GRM1: variants seen among roughly 807,000 people sequenced by gnomAD.
GRM1 encodes metabotropic glutamate receptor 1.
GRM1 carries 33 observed loss-of-function variants against 90.9 expected under a neutral mutation model. That is an observed-to-expected ratio of 0.36 (90% CI 0.28 to 0.49). GRM1 has a LOEUF of 0.49. GRM1 is among the 20% of genes least tolerant of loss of function. The pLI, the probability that GRM1 is intolerant of heterozygous loss-of-function variation, is 0.99. For missense variants in GRM1, 1,190 were observed against 1,534.3 expected, an observed-to-expected ratio of 0.78 and a Z score of 3.75; for synonymous variants, 700 against 613.2, an observed-to-expected ratio of 1.14 and a Z score of -2.09.
chr6:146,064,930 A>G (rs1377154197), intron 1 of GRM1, among the ~76,000 whole-genome samples: 2 of 152,114 alleles, frequency 1.3e-5, no homozygotes, highest in Non-Finnish European at 2.9e-5. Flanking sequence ...ATATCTAAAT[A>G]CTAGATGGCA....
chr6:146,290,600 T>C (rs1346552265), intron 2 of GRM1, among the ~76,000 whole-genome samples: 1 of 152,162 alleles, frequency 6.6e-6, no homozygotes, highest in African/African-American at 2.4e-5. Context: ...GGTTTTGAAA[T>C]TGCTTGCGAT....
intron 2 of GRM1, among the ~76,000 whole-genome samples, chr6:146,285,161 C>A (rs1294235843): frequency 6.6e-6 from 1 of 152,148 alleles, no homozygotes; most frequent in Non-Finnish European, 1.5e-5. Flanking sequence ...GGAGTATACC[C>A]TACCTCACAG....
intron 5 of GRM1, among the ~76,000 whole-genome samples, chr6:146,386,534 G>A (rs1050144232): frequency 4.6e-5 from 7 of 152,070 alleles, no homozygotes; most frequent in African/African-American, 1.4e-4. Context: ...TGCTTTCTCA[G>A]AGAAGAAAAA....
At chr6:146,074,030 G>A (rs950655352) in intron 1 of GRM1, among the ~76,000 whole-genome samples, 2 of 152,132 alleles carry the variant, frequency 1.3e-5, no homozygotes, top group African/African-American at 2.4e-5. Context: ...TAAGGATCAT[G>A]TGAATGTTTT....
At chr6:146,210,505 T>G (rs1779654069) in intron 2 of GRM1, among the ~76,000 whole-genome samples, 2 of 151,900 alleles carry the variant, frequency 1.3e-5, no homozygotes, top group Admixed American at 6.6e-5. Flanking sequence ...GGGAACAGAG[T>G]TGGTAGAAAA....
At chr6:146,120,725 T>C (rs1775951875) in intron 1 of GRM1, among the ~76,000 whole-genome samples, 1 of 152,228 alleles carries the variant, frequency 6.6e-6, no homozygotes, top group Non-Finnish European at 1.5e-5. Flanking sequence ...GTTCTATTTA[T>C]ATGCTGGATT....
intron 2 of GRM1, among the ~76,000 whole-genome samples, chr6:146,299,358 C>T (rs914655811): frequency 6.6e-6 from 1 of 151,908 alleles, no homozygotes; most frequent in East Asian, 1.9e-4. Context: ...GAGAATTTTA[C>T]CTTGTTGAGT....
chr6:146,247,915 A>G (rs1450922156), intron 2 of GRM1, among the ~76,000 whole-genome samples: 1 of 149,702 alleles, frequency 6.7e-6, no homozygotes, highest in East Asian at 1.9e-4. Flanking sequence ...TATAGTATAT[A>G]TAATATATAC....
chr6:146,128,039 A>T (rs1776260734), intron 1 of GRM1, among the ~76,000 whole-genome samples: 2 of 152,160 alleles, frequency 1.3e-5, no homozygotes, highest in East Asian at 3.9e-4. Flanking sequence ...GAAGGTCTAC[A>T]CATGGCCTCT....
intron 1 of GRM1, among the ~76,000 whole-genome samples, chr6:146,154,021 C>T (rs1264210328): frequency 6.6e-6 from 1 of 152,162 alleles, no homozygotes; most frequent in Non-Finnish European, 1.5e-5. Flanking sequence ...GATATTTCAC[C>T]TCTCTGTGCC....
chr6:146,381,763 C>A (rs1470057033), intron 5 of GRM1, among the ~76,000 whole-genome samples: 1 of 152,064 alleles, frequency 6.6e-6, no homozygotes, highest in Non-Finnish European at 1.5e-5. Context: ...TCTTTTTAGT[C>A]TTTCAGATGT....
chr6:146,132,654 G>T (rs766797273), intron 1 of GRM1, among the ~76,000 whole-genome samples: 2 of 152,138 alleles, frequency 1.3e-5, no homozygotes, highest in African/African-American at 2.4e-5. Context: ...ATATGATGAA[G>T]GTACAGTTTT....
intron 1 of GRM1, among the ~76,000 whole-genome samples, chr6:146,106,680 G>C (rs1775315491): frequency 6.6e-6 from 1 of 152,154 alleles, no homozygotes; most frequent in Admixed American, 6.5e-5. Flanking sequence ...GACCTTCCCA[G>C]TGACTGCCAA....
chr6:146,302,403 G>T (rs377453821), intron 2 of GRM1, among the ~76,000 whole-genome samples: 1 of 149,780 alleles, frequency 6.7e-6, no homozygotes, highest in East Asian at 2.0e-4. Flanking sequence ...ACAGGGTCTT[G>T]CTCTGTTGCC....
intron 2 of GRM1, among the ~76,000 whole-genome samples, chr6:146,264,566 C>T (rs1781811546): frequency 6.6e-6 from 1 of 151,032 alleles, no homozygotes; most frequent in Non-Finnish European, 1.5e-5. Context: ...AGGTTTGTTA[C>T]ATGTGTAGGT....
At chr6:146,370,775 T>C (rs999135536) in intron 5 of GRM1, among the ~76,000 whole-genome samples, 3 of 151,926 alleles carry the variant, frequency 2.0e-5, no homozygotes, top group African/African-American at 4.8e-5. Context: ...GTGCAAGGTA[T>C]TGGGTCCATC....
intron 5 of GRM1, among the ~76,000 whole-genome samples, chr6:146,367,785 A>G (rs1183112569): frequency 1.3e-5 from 2 of 152,088 alleles, no homozygotes; most frequent in East Asian, 1.9e-4. Flanking sequence ...TACAGTGTGT[A>G]TGTACCTCAT....
intron 1 of GRM1, among the ~76,000 whole-genome samples, chr6:146,059,745 A>G (rs927690245): frequency 1.3e-5 from 2 of 152,188 alleles, no homozygotes; most frequent in African/African-American, 2.4e-5. Flanking sequence ...CAACTTGTAC[A>G]TCAGCACTTG....
At chr6:146,138,303 C>A (rs539058871) in intron 1 of GRM1, among the ~76,000 whole-genome samples, 60 of 151,916 alleles carry the variant, frequency 3.9e-4, no homozygotes, top group African/African-American at 1.4e-3. Flanking sequence ...AGTTGCATAT[C>A]GTTTTTATTA....
Sources: gnomAD v4.1 joint callset for allele counts (sites outside exome capture counted in the v4.1 genomes callset) on GRCh38, gnomAD v4.1.1 for gene constraint, MANE v1.5 for transcripts, NCBI Gene and HGNC (gene_info 2026-07-23, HGNC 2026-07-21) for gene names.